The following TWIST1 variants were observed in gnomAD, a reference collection of about 807,000 sequenced individuals.
TWIST1 encodes the protein twist family bHLH transcription factor 1.
TWIST1 carries 8 observed loss-of-function variants against 12.9 expected under a neutral mutation model. That is an observed-to-expected ratio of 0.62 (90% CI 0.37 to 1.12). The LOEUF (loss-of-function observed/expected upper bound fraction) is 1.12, where lower values mean the gene tolerates loss of function less well. Ranked by LOEUF, TWIST1 falls within the 50% of genes most tolerant of loss-of-function variation. The pLI is 0.02. For missense variants in TWIST1, 268 were observed against 299.7 expected (o/e 0.89, Z 0.78); for synonymous variants, 169 against 138.7 (o/e 1.22, Z -1.54).
downstream of TWIST1, chr7:19,114,139 TTTCTG>T (rs1224604467): frequency 6.6e-6 from 1 of 152,152 alleles, no homozygotes; most frequent in African/African-American, 2.4e-5. Context: ...TCGCCTTCCC[TTTCTG>T]TTATTTGCTA....
At chr7:19,113,188 TTCTTA>T (rs1390780499), downstream of TWIST1, 1 of 152,194 alleles carries the variant, frequency 6.6e-6, no homozygotes, top group African/African-American at 2.4e-5. Context: ...AATTACTGCT[TTCTTA>T]TAACTAAAGG....
downstream of TWIST1, chr7:19,113,685 C>T (rs935901064): frequency 6.6e-6 from 1 of 152,062 alleles, no homozygotes; most frequent in Non-Finnish European, 1.5e-5. Context: ...TGGGGGGAAA[C>T]ATTACCTTCA....
Position 19,117,059 on chromosome 7 carries a change from C to CTGCTGCTG in TWIST1, c.262_263insCAGCAGCA (p.Gly88AlafsTer40), listed in dbSNP as rs1331710070. 3 of 1,407,356 alleles carry CTGCTGCTG rather than the reference C, an allele frequency of 2.1e-6. No individual in the cohort carries two copies. The highest frequency in any genetic ancestry group is 2.7e-6 in the Non-Finnish European group (3 of 1,090,994). The allele number at this position is 1,407,356 out of a possible 1,614,324, so 87.2% of individuals were successfully genotyped here. A position where few individuals can be genotyped will look rare whatever the true frequency, so the allele number is the denominator to read the frequency against. On this transcript the variant is annotated frameshift_variant, in exon 1 of 2. Coordinates refer to ENST00000242261, the MANE Select transcript of TWIST1 (RefSeq NM_000474.4). LOFTEE classifies it high-confidence loss of function. ...GCCGCTGCTGCTGCCGCCGCCGCCG[C>CTGCTGCTG]CCGCGCCGCCGCCGCCGCCACAGCC...
In TWIST1 at chr7:19,117,112, G is replaced by A; in HGVS notation, c.210C>T (p.Ala70=). 3.3e-6 allele frequency: 4 copies of A among 1,213,750 alleles called. No homozygotes were observed. The South Asian group carries it at 1.4e-4, about 42-fold the overall frequency. 75.2% of individuals were successfully genotyped at this position (1,213,750 alleles called of 1,614,324 possible). The change falls in exon 1 of 2, where the codon GCC becomes GCT. Residue 70 remains alanine, a synonymous_variant. Coordinates refer to ENST00000242261, the MANE Select transcript of TWIST1 (RefSeq NM_000474.4). ...CAGACTTCTTGCCGCGCTTGCCCTG[G>A]GCCGGGCTGCCCGGCTCGTCGCCGC... ...VGGGDEPGSP[A]QGKRGKKSAG...
In TWIST1 at chr7:19,116,026, C is replaced by T. The variant is rs566389049; in HGVS notation, c.*148G>A. On this transcript the variant is annotated 3_prime_UTR_variant, in exon 2 of 2. Transcript: ENST00000242261. ...CCTGTTTCTTTGAATTTGGATTTTGCTCTTCTAATTTCCAAGAAAATCTTT... is the reference window on the plus strand; with the variant it reads ...CCTGTTTCTTTGAATTTGGATTTTGTTCTTCTAATTTCCAAGAAAATCTTT... The T allele has an allele frequency of 6.6e-6, 1 of 152,550 alleles. No homozygotes were observed. Among genetic ancestry groups the T allele is most frequent in the East Asian group, 1.9e-4 (1 of 5,160 alleles). 9.4% of individuals were successfully genotyped at this position (152,550 alleles called of 1,614,324 possible). A position where few individuals can be genotyped will look rare whatever the true frequency, so the allele number is the denominator to read the frequency against.
rs1208022905 is a variant in TWIST1 at position 19,117,247 on chromosome 7, G to T, written c.75C>A (p.Asp25Glu). ...DSLSNSEEEP[D>E]RQQPPSGKRG... ...GCTTGCCGCTCGGCGGCTGCTGCCGGTCTGGCTCTTCCTCGCTGTTGCTCA... is the reference window on the plus strand; with the variant it reads ...GCTTGCCGCTCGGCGGCTGCTGCCGTTCTGGCTCTTCCTCGCTGTTGCTCA... Residue 25 changes from aspartate (D) to glutamate (E), a missense_variant, in exon 1 of 2, where the codon GAC becomes GAA. By Grantham distance (45) the Asp-to-Glu change is conservative. Around this residue, in one of 2 missense-constraint regions of TWIST1, gnomAD observed 189 missense variants for 172.1 expected, o/e 1.10. Transcript: ENST00000242261. 18 of 1,449,704 alleles carry T rather than the reference G, an allele frequency of 1.2e-5. No individual in the cohort carries two copies. The highest frequency in any genetic ancestry group is 7.4e-5 in the African/African-American group (5 of 67,596). The allele number at this position is 1,449,704 out of a possible 1,614,324, so 89.8% of individuals were successfully genotyped here.
downstream of TWIST1, among the ~76,000 whole-genome samples, chr7:19,114,698 T>C (rs1788532279): frequency 1.3e-5 from 2 of 152,186 alleles, no homozygotes; most frequent in South Asian, 2.1e-4. Flanking sequence ...GCTAATGAAC[T>C]GACTAGTAAC....
rs1788603756 is a variant in TWIST1, at chr7:19,117,500, G to A, written c.-179C>T. 6.7e-6 allele frequency: 8 copies of A among 1,190,590 alleles called. No homozygotes were observed. Among genetic ancestry groups the A allele is most frequent in the Admixed American group, 4.8e-5 (1 of 21,032 alleles). The allele number at this position is 1,190,590 out of a possible 1,614,324, so 73.8% of individuals were successfully genotyped here. A position where few individuals can be genotyped will look rare whatever the true frequency, so the allele number is the denominator to read the frequency against. ...GGAGGGCGCGCGGGGGAGGCGGGGA[G>A]GGAGGCGGGAGGGGGAGGGGACGGT... On this transcript the variant is annotated 5_prime_UTR_variant, in exon 1 of 2. Coordinates refer to ENST00000242261, the MANE Select transcript of TWIST1 (RefSeq NM_000474.4).
downstream of TWIST1, among the ~76,000 whole-genome samples, chr7:19,114,891 T>C (rs1049941468): frequency 5.3e-5 from 8 of 152,220 alleles, no homozygotes; most frequent in Non-Finnish European, 1.0e-4. Context: ...AACTTTTCTT[T>C]TTAGCAAACA....
At chr7:19,116,546 T>G (rs1345024739) in intron 1 of TWIST1, 125 bp downstream of exon 1, 1 of 818,330 alleles carries the variant, frequency 1.2e-6, no homozygotes, top group Non-Finnish European at 1.9e-6. Flanking sequence ...CGGTGCCAAG[T>G]GAGGTGGGAA....
At position 19,117,355 on chromosome 7, in the gene TWIST1, G is replaced by C. The variant is rs756105447; in HGVS notation, c.-34C>G. ...CGGCGACGCGTGGCCTCGCGGGCCC[G>C]GGGCAGAGGAGAAGAGCGGGGCGCC... On this transcript the variant is annotated 5_prime_UTR_variant, in exon 1 of 2. Transcript: ENST00000242261. 1 of 1,414,008 alleles carries C rather than the reference G, an allele frequency of 7.1e-7. No homozygotes were observed. Among genetic ancestry groups the C allele is most frequent in the Non-Finnish European group, 9.3e-7 (1 of 1,079,910 alleles). The allele number at this position is 1,414,008 out of a possible 1,614,324, so 87.6% of individuals were successfully genotyped here. A position where few individuals can be genotyped will look rare whatever the true frequency, so the allele number is the denominator to read the frequency against.
At chr7:19,116,620 C>T (rs1396990825) in intron 1 of TWIST1, 51 bp downstream of exon 1, 3 of 1,429,812 alleles carry the variant, frequency 2.1e-6, no homozygotes, top group Non-Finnish European at 2.8e-6. Flanking sequence ...GCCTGGCCGG[C>T]CTGCCGTCTG....
intron 1 of TWIST1, 53 bp downstream of exon 1, chr7:19,116,618 G>A (rs975957113): frequency 1.4e-6 from 2 of 1,413,212 alleles, no homozygotes; most frequent in Non-Finnish European, 1.9e-6. Flanking sequence ...CGGCCTGGCC[G>A]GCCTGCCGTC....
At chr7:19,116,441 G>C (rs915140232) in intron 1 of TWIST1, among the ~76,000 whole-genome samples, 71 of 152,162 alleles carry the variant, frequency 4.7e-4, no homozygotes, top group Admixed American at 3.3e-4. Context: ...ACACTCACGC[G>C]CACACACACC....
At chr7:19,113,229 AAAAGT>A (rs1418339290), downstream of TWIST1, 4 of 152,334 alleles carry the variant, frequency 2.6e-5, no homozygotes, top group Non-Finnish European at 5.9e-5. Context: ...ACTTATAAAT[AAAAGT>A]AATCAATAGC....
Position 19,116,982 on chromosome 7 carries a change from T to A in TWIST1, c.340A>T (p.Asn114Tyr). ...EELQTQRVMA[N>Y]VRERQRTQSL... is the part of the protein sequence containing the mutation. ...TGGGTGCGCTGGCGCTCCCGCACGTTGGCCATGACCCGCTGCGTCTGCAGC... is the reference window on the plus strand; with the variant it reads ...TGGGTGCGCTGGCGCTCCCGCACGTAGGCCATGACCCGCTGCGTCTGCAGC... Residue 114 changes from asparagine (N) to tyrosine (Y), a missense_variant, in exon 1 of 2, where the codon AAC becomes TAC. This residue lies in a region of TWIST1 where 79 missense variants were observed against 127.6 expected (regional missense o/e 0.62). Transcript: ENST00000242261. The A allele has an allele frequency of 6.2e-7, 1 of 1,611,746 alleles. No individual in the cohort carries two copies.
In TWIST1 at chr7:19,116,901, C is replaced by G; in HGVS notation, c.421G>C (p.Asp141His). Residue 141 changes from aspartate (D) to histidine (H), a missense_variant, in exon 1 of 2, where the codon GAC (aspartate) becomes CAC (histidine). Transcript: ENST00000242261. ...LRKIIPTLPS[D>H]KLSKIQTLKL... Reference sequence around the variant, plus strand: ...AGGGTCTGAATCTTGCTCAGCTTGTCCGAGGGCAGCGTGGGGATGATCTTC... The same window carrying G: ...AGGGTCTGAATCTTGCTCAGCTTGTGCGAGGGCAGCGTGGGGATGATCTTC... The G allele has an allele frequency of 6.2e-7, 1 of 1,614,136 alleles. No homozygotes were observed. Among genetic ancestry groups the G allele is most frequent in the Non-Finnish European group, 8.5e-7 (1 of 1,179,988 alleles).
At chr7:19,114,004 G>C (rs1788518834), downstream of TWIST1, 1 of 152,010 alleles carries the variant, frequency 6.6e-6, no homozygotes, top group Non-Finnish European at 1.5e-5. Context: ...GTGGTTGGAT[G>C]ATACATACAA....
Position 19,117,567 on chromosome 7 carries a change from G to A in TWIST1, c.-246C>T. 8.9e-7 allele frequency: 1 copy of A among 1,123,306 alleles called. No individual in the cohort carries two copies. Among genetic ancestry groups the A allele is most frequent in the South Asian group, 3.5e-5 (1 of 28,616 alleles). 69.6% of individuals were successfully genotyped at this position (1,123,306 alleles called of 1,614,324 possible). A position where few individuals can be genotyped will look rare whatever the true frequency, so the allele number is the denominator to read the frequency against. On this transcript the variant is annotated 5_prime_UTR_variant, in exon 1 of 2. Coordinates refer to ENST00000242261, the MANE Select transcript of TWIST1 (RefSeq NM_000474.4). ...TCCAAAAAGAAAGCGCCCAACGGCT[G>A]GACGCACACCCCGCCAGGCCTCCTG...
Sources: allele counts gnomAD v4.1 joint callset (sites outside exome capture counted in the v4.1 genomes callset), GRCh38; gene constraint gnomAD v4.1.1; regional missense constraint gnomAD v4.1.1; transcripts MANE v1.5; gene names NCBI Gene and HGNC (gene_info 2026-07-23, HGNC 2026-07-21).